RAD54B: variants seen among roughly 807,000 people sequenced by gnomAD.
RAD54B encodes DNA repair and recombination protein RAD54B.
Under a neutral mutation model 95.8 loss-of-function variants are expected in RAD54B, and 78 were observed. The observed-to-expected ratio is 0.81, with a 90% CI of 0.68 to 0.98. The LOEUF (loss-of-function observed/expected upper bound fraction) is 0.98. Ranked by LOEUF, RAD54B falls within the 50% of genes least tolerant of loss-of-function variation. RAD54B has a pLI of 0.00. For synonymous variants in RAD54B, 328 were observed against 354.9 expected, an observed-to-expected ratio of 0.92 and a Z score of 0.85; for missense variants, 957 against 1,056.6, an observed-to-expected ratio of 0.91 and a Z score of 1.31.
intron 3 of RAD54B, among the ~76,000 whole-genome samples, chr8:94,446,636 T>C (rs1032155090): frequency 6.6e-6 from 1 of 152,200 alleles, no homozygotes; most frequent in African/African-American, 2.4e-5. Flanking sequence ...CTGTCTCCTA[T>C]TTCCCACTGG....
At chr8:94,445,297 C>T (rs1226157004) in intron 3 of RAD54B, among the ~76,000 whole-genome samples, 1 of 152,170 alleles carries the variant, frequency 6.6e-6, no homozygotes, top group Non-Finnish European at 1.5e-5. Flanking sequence ...GCCCTACCTC[C>T]TAATATCACC....
intron 2 of RAD54B, among the ~76,000 whole-genome samples, chr8:94,462,101 T>C (rs1049985036): frequency 2.6e-5 from 4 of 152,306 alleles, no homozygotes; most frequent in South Asian, 2.1e-4. Context: ...TCCCTCAATC[T>C]GGATTTGTCT....
chr8:94,463,893 CAAAAAAAAAAAAAA>C (rs553168595), intron 2 of RAD54B, among the ~76,000 whole-genome samples: 1 of 90,976 alleles, frequency 1.1e-5, no homozygotes, highest in African/African-American at 4.2e-5. Flanking sequence ...GACCCTATCT[CAAAAAAAAAAAAAA>C]AAAAAAGAAA....
intron 3 of RAD54B, among the ~76,000 whole-genome samples, chr8:94,440,016 C>T (rs1036970879): frequency 6.6e-6 from 1 of 152,172 alleles, no homozygotes; most frequent in African/African-American, 2.4e-5. Flanking sequence ...CTTTGCACGA[C>T]CATTTCAAGA....
intron 6 of RAD54B, among the ~76,000 whole-genome samples, chr8:94,403,662 G>A (rs1243085235): frequency 2.0e-5 from 3 of 150,112 alleles, no homozygotes; most frequent in Non-Finnish European, 4.4e-5. Flanking sequence ...GGGCAACATA[G>A]TAAGACTCCG....
At chr8:94,453,477 C>T (rs924606072) in intron 3 of RAD54B, among the ~76,000 whole-genome samples, 1 of 151,918 alleles carries the variant, frequency 6.6e-6, no homozygotes. Context: ...TGCAGTGAGC[C>T]GAGATCACGC....
intron 3 of RAD54B, among the ~76,000 whole-genome samples, chr8:94,439,167 G>C (rs1012775033): frequency 1.3e-5 from 2 of 152,050 alleles, no homozygotes; most frequent in African/African-American, 2.4e-5. Context: ...ACCACTGAAG[G>C]GAGTGTAAAA....
At chr8:94,447,664 T>C (rs374905368) in intron 3 of RAD54B, among the ~76,000 whole-genome samples, 2 of 152,176 alleles carry the variant, frequency 1.3e-5, no homozygotes, top group African/African-American at 4.8e-5. Context: ...GAAAAACCCC[T>C]GGTCACAGGA....
At chr8:94,372,826 T>G (rs1810473565) in intron 14 of RAD54B, among the ~76,000 whole-genome samples, 2 of 152,132 alleles carry the variant, frequency 1.3e-5, no homozygotes, top group Admixed American at 1.3e-4. Context: ...ATGGGTTAAA[T>G]AAAGACTATT....
intron 2 of RAD54B, among the ~76,000 whole-genome samples, chr8:94,463,918 GAAAGA>G (rs1812963883): frequency 1.5e-5 from 2 of 137,314 alleles, no homozygotes; most frequent in South Asian, 4.6e-4. Flanking sequence ...AAAAAAGAAA[GAAAGA>G]AAAAAGAGAG....
chr8:94,375,567 T>A (rs947904298), intron 14 of RAD54B, among the ~76,000 whole-genome samples: 61 of 152,306 alleles, frequency 4.0e-4, no homozygotes, highest in African/African-American at 1.4e-3. Flanking sequence ...AACTTCTTTT[T>A]TTTGTAAATC....
At chr8:94,389,879 C>G (rs1409448679) in intron 10 of RAD54B, among the ~76,000 whole-genome samples, 1 of 152,192 alleles carries the variant, frequency 6.6e-6, no homozygotes, top group Non-Finnish European at 1.5e-5. Flanking sequence ...GAGAAACACT[C>G]AGAGCCCCCT....
intron 4 of RAD54B, among the ~76,000 whole-genome samples, chr8:94,410,429 C>T (rs1415659854): frequency 1.3e-5 from 2 of 152,138 alleles, no homozygotes; most frequent in Admixed American, 1.3e-4. Flanking sequence ...GTATTCCTAG[C>T]ATACTGCCTG....
At chr8:94,422,382 T>A (rs2130071668) in intron 3 of RAD54B, among the ~76,000 whole-genome samples, 1 of 149,914 alleles carries the variant, frequency 6.7e-6, no homozygotes, top group South Asian at 2.1e-4. Flanking sequence ...AGGTCAGGAG[T>A]TTGAGACCAG....
intron 3 of RAD54B, among the ~76,000 whole-genome samples, chr8:94,451,388 T>TA (rs1812654031): frequency 6.6e-6 from 1 of 151,984 alleles, no homozygotes; most frequent in African/African-American, 2.4e-5. Flanking sequence ...AATTAACAAA[T>TA]AAATGGGGGA....
In RAD54B at chr8:94,399,456, C is replaced by T. The variant is rs1254223926; in HGVS notation, c.1336G>A (p.Ala446Thr). Residue 446 changes from alanine (A) to threonine (T), a missense_variant, in exon 8 of 15, where the codon GCC becomes ACC. Coordinates refer to ENST00000336148, the MANE Select transcript of RAD54B (RefSeq NM_012415.3). Reference sequence around the variant, plus strand: ...TTCTCACAAGAAAGGCTAATGAGGGCTGTAGTTGTCTTAATGGCACTGTTC... The same window carrying T: ...TTCTCACAAGAAAGGCTAATGAGGGTTGTAGTTGTCTTAATGGCACTGTTC... ...LKNSAIKTTTALISLSCEKRI... is the reference protein window; with the variant it reads ...LKNSAIKTTTTLISLSCEKRI... The T allele has an allele frequency of 6.2e-7, 1 of 1,613,590 alleles. No individual in the cohort carries two copies. The highest frequency in any genetic ancestry group is 8.5e-7 in the Non-Finnish European group (1 of 1,179,654).
intron 3 of RAD54B, chr8:94,430,522 A>T: frequency 1.2e-6 from 1 of 860,802 alleles, no homozygotes; most frequent in Non-Finnish European, 1.4e-6. Flanking sequence ...ATTAAAAGAG[A>T]TTGCTGACAC....
intron 3 of RAD54B, among the ~76,000 whole-genome samples, chr8:94,442,839 TTCC>T (rs1345896478): frequency 6.6e-6 from 1 of 152,172 alleles, no homozygotes; most frequent in African/African-American, 2.4e-5. Context: ...CTGCCTTTCC[TTCC>T]TCCTCTTTCC....
At chr8:94,444,213 T>C (rs1387357666) in intron 3 of RAD54B, among the ~76,000 whole-genome samples, 1 of 151,948 alleles carries the variant, frequency 6.6e-6, no homozygotes, top group South Asian at 2.1e-4. Flanking sequence ...GTTAAAAAGT[T>C]TAGTAACATG....
Sources: allele counts gnomAD v4.1 joint callset (sites outside exome capture counted in the v4.1 genomes callset), GRCh38; gene constraint gnomAD v4.1.1; transcripts MANE v1.5; gene names NCBI Gene and HGNC (gene_info 2026-07-23, HGNC 2026-07-21).